HSP90AA1: variants seen among roughly 807,000 people sequenced by gnomAD.
The protein encoded by HSP90AA1 is heat shock protein 90 alpha family class A member 1.
A neutral mutation model predicts 73.3 loss-of-function variants in HSP90AA1; 18 were observed. The ratio of observed to expected loss-of-function variants is 0.25; its 90% CI spans 0.17 to 0.36. The LOEUF (loss-of-function observed/expected upper bound fraction) is 0.36. Ranked by LOEUF, HSP90AA1 falls within the 10% of genes least tolerant of loss-of-function variation. The pLI, the probability that HSP90AA1 is intolerant of heterozygous loss-of-function variation, is 1.00. For missense variants in HSP90AA1, 704 were observed against 874.2 expected, an observed-to-expected ratio of 0.81 and a Z score of 2.45; for synonymous variants, 477 against 296.9, an observed-to-expected ratio of 1.61 and a Z score of -6.24.
chr14:102,081,334 A>G lies in HSP90AA1; in HGVS notation c.*378T>C, dbSNP rs182139510. ...TCAAAAAGTAGATCCTACAAGATGT[A>G]ACGAATACTTTTCTAAACATCAAGA... On this transcript the variant is annotated 3_prime_UTR_variant, in exon 11 of 11. Transcript: ENST00000216281. 1.1e-4 allele frequency: 38 copies of G among 335,908 alleles called. 1 individual carries two copies. The highest frequency in any genetic ancestry group is 7.9e-4 in the African/African-American group (38 of 48,216). The allele number at this position is 335,908 out of a possible 1,614,324, so 20.8% of individuals were successfully genotyped here. A position where few individuals can be genotyped will look rare whatever the true frequency, so the allele number is the denominator to read the frequency against.
Position 102,136,898 on chromosome 14 carries a change from A to G in HSP90AA1, c.155+2352T>C, listed in dbSNP as rs941417594. ...AGCGAGACTTCTCTTAAAAAAAAAA[A>G]AGGAAACAAAAAAAAAAGAAATACC... On this transcript the variant is annotated intron_variant, in intron 1 of 11. Transcript: ENST00000334701. Among the ~76,000 whole-genome samples, 123 of 147,264 alleles carry G rather than the reference A, an allele frequency of 8.4e-4. 1 individual carries two copies. The highest frequency in any genetic ancestry group is 1.0e-4 in the Non-Finnish European group (7 of 66,912).
chr14:102,081,307 G>C lies in HSP90AA1; in HGVS notation c.*405C>G, dbSNP rs945257076. ...AATTGTCAACTACAGGGAATGAAAA[G>C]TTCAAAAAGTAGATCCTACAAGATG... On this transcript the variant is annotated 3_prime_UTR_variant, in exon 11 of 11. Coordinates refer to ENST00000216281, the MANE Select transcript of HSP90AA1 (RefSeq NM_005348.4). 3.3e-5 allele frequency: 10 copies of C among 299,726 alleles called. No individual in the cohort carries two copies. Among genetic ancestry groups the C allele is most frequent in the Admixed American group, 1.4e-4 (3 of 21,452 alleles). The allele number at this position is 299,726 out of a possible 1,614,324, so 18.6% of individuals were successfully genotyped here.
In HSP90AA1 at chr14:102,085,841, G is replaced by C. The variant is rs1168272126; in HGVS notation, c.446C>G (p.Thr149Ser). ...YSAYLVAEKVTVITKHNDDEQ... is the reference protein window; with the variant it reads ...YSAYLVAEKVSVITKHNDDEQ... ...ATCATCGTTATGTTTGGTGATCACA[G>C]TTACTTTCTCAGCAACCAAATAAGC... The change falls in exon 3 of 11, where the codon ACT becomes AGT. Residue 149 changes from threonine to serine, a missense_variant. Physicochemically the swap from Thr to Ser is moderately conservative, Grantham distance 58 (BLOSUM62 1). Transcript: ENST00000216281. The C allele has an allele frequency of 6.2e-7, 1 of 1,613,942 alleles. No homozygotes were observed. The highest frequency in any genetic ancestry group is 8.5e-7 in the Non-Finnish European group (1 of 1,179,854).
intron 1 of HSP90AA1, among the ~76,000 whole-genome samples, chr14:102,137,081 G>C (rs937824427): frequency 6.6e-6 from 1 of 151,780 alleles, no homozygotes; most frequent in African/African-American, 2.4e-5. Flanking sequence ...GGGTGTGGTG[G>C]CATGCGCCTG....
rs751015233 is a variant in HSP90AA1, at chr14:102,083,796, T to C, written c.1335A>G (p.Ile445Met). 1.9e-6 allele frequency: 3 copies of C among 1,612,552 alleles called. No homozygotes were observed. ...KKFYEQFSKN[I>M]KLGIHEDSQN... ...ACTAATGGTTATTTACACCAACCTT[T>C]ATGTTTTTAGAGAACTGCTCATAGA... The change falls in exon 7 of 11, where the codon ATA (isoleucine) becomes ATG (methionine). Residue 445 changes from isoleucine (I) to methionine (M), a missense_variant. By Grantham distance (10) the Ile-to-Met change is conservative (BLOSUM62 1). Coordinates refer to ENST00000216281, the MANE Select transcript of HSP90AA1 (RefSeq NM_005348.4).
At chr14:102,128,420 G>A (rs924539545) in intron 1 of HSP90AA1, among the ~76,000 whole-genome samples, 11 of 152,088 alleles carry the variant, frequency 7.2e-5, no homozygotes, top group African/African-American at 2.7e-4. Flanking sequence ...CTGAGGTCAG[G>A]GGTTCGAGAC....
intron 9 of HSP90AA1, 102 bp downstream of exon 9, chr14:102,082,932 T>G: frequency 8.0e-7 from 1 of 1,254,028 alleles, no homozygotes; most frequent in Non-Finnish European, 1.2e-6. Context: ...CACAACATAG[T>G]TTTCTGTTTT....
chr14:102,081,901 C>G, intron 10 of HSP90AA1, 80 bp from the exon 11 acceptor site: 2 of 822,612 alleles, frequency 2.4e-6, no homozygotes, highest in Non-Finnish European at 4.4e-6. Context: ...TTTCTATCTG[C>G]TTTCAAGACA....
intron 3 of HSP90AA1, 97 bp from the exon 4 acceptor site, chr14:102,085,528 C>T: frequency 7.5e-7 from 1 of 1,331,518 alleles, no homozygotes; most frequent in Non-Finnish European, 1.1e-6. Context: ...GCAAGGTTTG[C>T]CGTTACTACA....
chr14:102,101,936 C>T (rs778929847), exon 2 of HSP90AA1: 1 of 1,614,202 alleles, frequency 6.2e-7, no homozygotes, highest in Admixed American at 1.7e-5. Context: ...TGCACCTTGG[C>T]TCTGTCTGAA....
At position 102,085,083 on chromosome 14, in the gene HSP90AA1, C is replaced by G. The variant is rs2049193659; in HGVS notation, c.664-85G>C. On this transcript the variant is annotated intron_variant, in intron 4 of 10. Coordinates refer to ENST00000216281, the MANE Select transcript of HSP90AA1 (RefSeq NM_005348.4). ...GCACCACTATTTTCAACCTAAGGCC[C>G]AAGTCTAAATTAGCCAACTTGAGAA... is the stretch of plus-strand genomic sequence containing the variant. The G allele has an allele frequency of 4.4e-6, 7 of 1,606,148 alleles. No homozygotes were observed. In the Admixed American group the frequency reaches 6.8e-5, roughly 16 times the overall value.
intron 1 of HSP90AA1, among the ~76,000 whole-genome samples, chr14:102,109,236 G>GTCCACT (rs2152621364): frequency 6.6e-6 from 1 of 152,282 alleles, no homozygotes; most frequent in South Asian, 2.1e-4. Flanking sequence ...GTCTGGCTAT[G>GTCCACT]TCCACTCAGC....
At position 102,138,540 on chromosome 14, in the gene HSP90AA1, G is replaced by T. The variant is rs150131409; in HGVS notation, c.155+710C>A. Among the ~76,000 whole-genome samples, 440 of 151,910 alleles carry T rather than the reference G, an allele frequency of 2.9e-3. 5 individuals carry two copies. The highest frequency in any genetic ancestry group is 0.01 in the African/African-American group (418 of 41,414). ...TTTTTCCAACACTACAAAGGCTAAA[G>T]ATGTTATTATCAAATGTATTACTAC... is the stretch of plus-strand genomic sequence containing the variant. On this transcript the variant is annotated intron_variant, in intron 1 of 11. Coordinates refer to the HSP90AA1 transcript ENST00000334701.
chr14:102,133,939 C>T (rs1027908676), intron 1 of HSP90AA1, among the ~76,000 whole-genome samples: 9 of 151,846 alleles, frequency 5.9e-5, no homozygotes, highest in Non-Finnish European at 1.2e-4. Context: ...TTGCTTGAGC[C>T]CAGGAGTTTG....
At position 102,085,833 on chromosome 14, in the gene HSP90AA1, T is replaced by C. The variant is rs752579865; in HGVS notation, c.454A>G (p.Thr152Ala). Residue 152 changes from threonine to alanine, a missense_variant, in exon 3 of 11, where the codon ACC (threonine) becomes GCC (alanine). By Grantham distance (58) the Thr-to-Ala change is moderately conservative (BLOSUM62 0). Transcript: ENST00000216281. ...YLVAEKVTVI[T>A]KHNDDEQYAW... ...TACTGCTCATCATCGTTATGTTTGG[T>C]GATCACAGTTACTTTCTCAGCAACC... 25 of 1,613,824 alleles carry C rather than the reference T, an allele frequency of 1.5e-5. 1 individual carries two copies. The Admixed American group carries it at 2.5e-4, about 16-fold the overall frequency.
At chr14:102,083,370 T>C (rs2049141801) in intron 8 of HSP90AA1, 68 bp from the exon 9 acceptor site, 7 of 1,567,064 alleles carry the variant, frequency 4.5e-6, no homozygotes, top group Non-Finnish European at 6.2e-6. Flanking sequence ...GCTCTGACTT[T>C]TCTTGCTAGC....
intron 1 of HSP90AA1, among the ~76,000 whole-genome samples, chr14:102,132,575 A>G (rs1189556050): frequency 6.6e-6 from 1 of 152,172 alleles, no homozygotes; most frequent in African/African-American, 2.4e-5. Flanking sequence ...AAAAAAATTG[A>G]GACAACAGAG....
At chr14:102,131,312 G>A (rs772167033) in intron 1 of HSP90AA1, among the ~76,000 whole-genome samples, 1 of 152,138 alleles carries the variant, frequency 6.6e-6, no homozygotes, top group Non-Finnish European at 1.5e-5. Flanking sequence ...CATCTGCTGG[G>A]AAATCCTATC....
At chr14:102,087,389 C>CGCGG (rs1333833465), upstream of HSP90AA1, among the ~76,000 whole-genome samples, 2 of 151,618 alleles carry the variant, frequency 1.3e-5, no homozygotes, top group Non-Finnish European at 3.0e-5. Context: ...CCCCACCTGC[C>CGCGG]GCGGGCGGGC....
Sources: allele counts gnomAD v4.1 joint callset (sites outside exome capture counted in the v4.1 genomes callset), GRCh38; gene constraint gnomAD v4.1.1; transcripts MANE v1.5; gene names NCBI Gene and HGNC (gene_info 2026-07-23, HGNC 2026-07-21).